Variants in SYT1 observed in about 807,000 individuals in gnomAD.
SYT1 encodes synaptotagmin-1.
SYT1 carries 8 observed loss-of-function variants against 44.8 expected under a neutral mutation model. That is an observed-to-expected ratio of 0.18 (90% confidence interval 0.10 to 0.32). The LOEUF is 0.32. Among genes scored for constraint, SYT1 ranks in the 10% least tolerant of loss-of-function variants. The probability of loss-of-function intolerance (pLI) is 1.00; values close to 1 mark genes in which losing one functional copy is unlikely to be tolerated. For missense variants in SYT1, 286 were observed against 509.3 expected (o/e 0.56, Z 4.22); for synonymous variants, 154 against 188.8 (o/e 0.82, Z 1.51).
chr12:79,280,219 A>G (rs1878971693), intron 4 of SYT1, among the ~76,000 whole-genome samples: 1 of 152,184 alleles, frequency 6.6e-6, no homozygotes, highest in East Asian at 1.9e-4. Flanking sequence ...ATCTGGCAAT[A>G]TCACATTACC....
Position 79,293,248 on chromosome 12 carries a change from C to T in SYT1, c.474+1118C>T, listed in dbSNP as rs57103713. 9.0e-3 allele frequency among the ~76,000 whole-genome samples: 1,348 copies of T among 150,468 alleles called. 30 individuals are homozygous for T. Among genetic ancestry groups the T allele is most frequent in the African/African-American group, 0.031 (1,262 of 40,574 alleles). On this transcript the variant is annotated intron_variant, in intron 6 of 10. Transcript: ENST00000261205. ...CTGAGGCAGGAGAATGGTGTGAACC[C>T]GGGAGGCAGAGCTTGCAGTGAGCCG...
At chr12:79,418,750 G>A (rs1157240153) in intron 9 of SYT1, among the ~76,000 whole-genome samples, 1 of 152,158 alleles carries the variant, frequency 6.6e-6, no homozygotes, top group Non-Finnish European at 1.5e-5. Flanking sequence ...TGACAAGAAA[G>A]GCCAGCAGTA....
At chr12:79,054,402 A>G (rs1399914032) in intron 3 of SYT1, among the ~76,000 whole-genome samples, 1 of 152,066 alleles carries the variant, frequency 6.6e-6, no homozygotes, top group South Asian at 2.1e-4. Flanking sequence ...AAAGACAGCA[A>G]TCTTTTGATA....
At chr12:79,205,903 C>T (rs1291345146) in intron 3 of SYT1, among the ~76,000 whole-genome samples, 1 of 152,042 alleles carries the variant, frequency 6.6e-6, no homozygotes, top group Non-Finnish European at 1.5e-5. Flanking sequence ...TTTTCCCTTT[C>T]CAATACATTA....
rs190895206 is a variant in SYT1 at position 79,163,955 on chromosome 12, T to C, written c.-17-53548T>C. 5.8e-3 allele frequency among the ~76,000 whole-genome samples: 877 copies of C among 152,206 alleles called. 4 individuals are homozygous for C. The highest frequency in any genetic ancestry group is 8.7e-3 in the Non-Finnish European group (589 of 67,980). On this transcript the variant is annotated intron_variant, in intron 3 of 10. Coordinates refer to ENST00000261205, the MANE Select transcript of SYT1 (RefSeq NM_005639.3). ...CTTCAATCAGGCTGTTGGTAGGATATTGAATGAGAAAGAATTCTGGGCTGT... is the reference window on the plus strand; with the variant it reads ...CTTCAATCAGGCTGTTGGTAGGATACTGAATGAGAAAGAATTCTGGGCTGT...
chr12:79,266,818 G>A (rs911735188), intron 4 of SYT1, among the ~76,000 whole-genome samples: 3 of 152,210 alleles, frequency 2.0e-5, no homozygotes, highest in Non-Finnish European at 2.9e-5. Flanking sequence ...TTGGTCTGTA[G>A]CAGCACAAAT....
chr12:79,141,415 AATAT>A (rs901117129), intron 3 of SYT1, among the ~76,000 whole-genome samples: 3 of 152,136 alleles, frequency 2.0e-5, no homozygotes, highest in African/African-American at 7.2e-5. Flanking sequence ...TTAGGCACAT[AATAT>A]ATATAATATT....
At chr12:78,949,240 T>C (rs761569378) in intron 1 of SYT1, among the ~76,000 whole-genome samples, 194 of 151,740 alleles carry the variant, frequency 1.3e-3, no homozygotes, top group Non-Finnish European at 2.0e-3. Flanking sequence ...TAGAACATAA[T>C]TTTAGAAATA....
At chr12:79,291,185 G>C (rs537661164) in intron 5 of SYT1, among the ~76,000 whole-genome samples, 2 of 152,274 alleles carry the variant, frequency 1.3e-5, no homozygotes, top group African/African-American at 4.8e-5. Flanking sequence ...TTAAGTTTTA[G>C]GTTATAAAGA....
At chr12:79,274,562 G>A (rs944033652) in intron 4 of SYT1, among the ~76,000 whole-genome samples, 17 of 152,148 alleles carry the variant, frequency 1.1e-4, no homozygotes, top group African/African-American at 2.4e-4. Context: ...TTGGGCAGCC[G>A]CAGCGCAAAC....
chr12:79,238,521 T>C (rs1313083212), intron 4 of SYT1, among the ~76,000 whole-genome samples: 1 of 151,862 alleles, frequency 6.6e-6, no homozygotes. Context: ...GGAAACAGAG[T>C]GAGAATGTGA....
chr12:78,921,982 C>G (rs529130318), intron 1 of SYT1, among the ~76,000 whole-genome samples: 1 of 125,120 alleles, frequency 8.0e-6, no homozygotes, highest in Non-Finnish European at 1.7e-5. Context: ...AAATCAAATA[C>G]CTTTAAAGAA....
chr12:79,242,611 T>A (rs1325804196), intron 4 of SYT1, among the ~76,000 whole-genome samples: 1 of 152,278 alleles, frequency 6.6e-6, no homozygotes, highest in Admixed American at 6.5e-5. Flanking sequence ...ATTTCAGAAA[T>A]TGAAGATCAG....
At chr12:79,319,656 C>G (rs1350739980) in intron 8 of SYT1, among the ~76,000 whole-genome samples, 1 of 152,194 alleles carries the variant, frequency 6.6e-6, no homozygotes, top group Non-Finnish European at 1.5e-5. Context: ...CAACAGCCAG[C>G]ATCCATTCAA....
intron 3 of SYT1, among the ~76,000 whole-genome samples, chr12:79,166,319 A>G (rs960064003): frequency 6.6e-6 from 1 of 152,008 alleles, no homozygotes; most frequent in African/African-American, 2.4e-5. Flanking sequence ...ACTCTATCAT[A>G]ATTGCAATAG....
chr12:78,899,668 C>T (rs964232420), intron 1 of SYT1, among the ~76,000 whole-genome samples: 1 of 151,612 alleles, frequency 6.6e-6, no homozygotes, highest in African/African-American at 2.4e-5. Context: ...TAATGTAGCG[C>T]TTAAAAATAT....
intron 2 of SYT1, among the ~76,000 whole-genome samples, chr12:79,027,240 C>G (rs943816711): frequency 6.6e-6 from 1 of 151,462 alleles, no homozygotes; most frequent in African/African-American, 2.4e-5. Flanking sequence ...TTTCCAGAGA[C>G]CCCTTTGCTG....
chr12:78,977,629 G>C (rs1868943314), intron 1 of SYT1, 170 bp from the exon 2 acceptor site: 1 of 152,138 alleles, frequency 6.6e-6, no homozygotes, highest in Non-Finnish European at 1.5e-5. Flanking sequence ...TCTTAGCCTG[G>C]AGCACCCAGC....
At chr12:78,965,277 T>C (rs1425354463) in intron 1 of SYT1, among the ~76,000 whole-genome samples, 1 of 152,210 alleles carries the variant, frequency 6.6e-6, no homozygotes, top group Non-Finnish European at 1.5e-5. Flanking sequence ...TCATTTTTCC[T>C]TTTCAGTTTA....
Sources: allele counts gnomAD v4.1 joint callset (sites outside exome capture counted in the v4.1 genomes callset), GRCh38; gene constraint gnomAD v4.1.1; transcripts MANE v1.5; gene names NCBI Gene and HGNC (gene_info 2026-07-23, HGNC 2026-07-21).